Variants in PKD1 observed in about 807,000 individuals in gnomAD.
The protein encoded by PKD1 is polycystin 1, transient receptor potential channel interacting, also known as polycystin-1.
In PKD1, 81 loss-of-function variants were observed where a neutral mutation model predicts 361.7. That is an observed-to-expected ratio of 0.22 (90% CI 0.19 to 0.27). PKD1 has a LOEUF of 0.27. Ranked by LOEUF, PKD1 falls within the 10% of genes least tolerant of loss-of-function variation. PKD1 has a pLI of 1.00. For missense variants in PKD1, 6,399 were observed against 6,118.3 expected (o/e 1.05, Z -1.53); for synonymous variants, 3,615 against 2,818.3 (o/e 1.28, Z -8.95).
Position 2,114,917 on chromosome 16 carries a change from G to A in PKD1, c.2106C>T (p.Leu702=). 3 of 1,531,182 alleles carry A rather than the reference G, an allele frequency of 2.0e-6. No individual in the cohort carries two copies. Among genetic ancestry groups the A allele is most frequent in the Non-Finnish European group, 2.6e-6 (3 of 1,143,164 alleles). The allele number at this position is 1,531,182 out of a possible 1,614,324, so 94.8% of individuals were successfully genotyped here. Residue 702 remains leucine (L), a synonymous_variant, in exon 11 of 46, where the codon CTC becomes CTT. Coordinates refer to ENST00000262304, the MANE Select transcript of PKD1 (RefSeq NM_001009944.3). ...GGAGCATGAGGACATCCTGGCCGTG[G>A]AGGGTGACCTGTGGAGAGGGAGGCA... ...AGPPAQYSVT[L]HGQDVLMLPG...
intron 34 of PKD1, among the ~76,000 whole-genome samples, chr16:2,096,295 C>A (rs1352569667): frequency 1.3e-5 from 2 of 152,272 alleles, no homozygotes; most frequent in Non-Finnish European, 2.9e-5. Flanking sequence ...TGCCACTGCA[C>A]TGAATCCTGC....
chr16:2,090,510 G>T lies in PKD1; in HGVS notation c.12219C>A (p.Thr4073=), dbSNP rs767203468. 2.1e-5 allele frequency: 34 copies of T among 1,611,206 alleles called. No homozygotes were observed. Among genetic ancestry groups the T allele is most frequent in the Non-Finnish European group, 2.7e-5 (32 of 1,179,554 alleles). Residue 4073 remains threonine, a synonymous_variant, in exon 45 of 46, where the codon ACC becomes ACA. Coordinates refer to ENST00000262304, the MANE Select transcript of PKD1 (RefSeq NM_001009944.3). The part of the protein sequence containing the change: ...LVLCPGTGLS[T]LCPAESWHLS... Reference sequence around the variant, plus strand: ...GGTGCCAGGACTCGGCAGGACACAGGGTAGAGAGCCCAGTCCCAGGGCACA... The same window carrying T: ...GGTGCCAGGACTCGGCAGGACACAGTGTAGAGAGCCCAGTCCCAGGGCACA...
chr16:2,110,396 TG>T lies in PKD1; in HGVS notation c.4770del (p.Ile1591SerfsTer42), dbSNP rs1300425675. The T allele has an allele frequency of 6.2e-7, 1 of 1,612,494 alleles. No homozygotes were observed. The highest frequency in any genetic ancestry group is 8.5e-7 in the Non-Finnish European group (1 of 1,179,856). ...YSWVLCDRCT[P>X]IPGGPTISYT... is the part of the protein sequence containing the mutation. ...TAAGAGATGGTAGGACCCCCAGGGATGGGCGTGCAGCGGTCACAGAGCACCC... is the reference window on the plus strand; with the variant it reads ...TAAGAGATGGTAGGACCCCCAGGGATGGCGTGCAGCGGTCACAGAGCACCC... On this transcript the variant is annotated frameshift_variant, in exon 15 of 46. Coordinates refer to ENST00000262304, the MANE Select transcript of PKD1 (RefSeq NM_001009944.3). LOFTEE classifies it high-confidence loss of function.
rs764835820 is a variant in PKD1, at chr16:2,090,609, C to A, written c.12139-19G>T. On this transcript the variant is annotated intron_variant, in intron 44 of 45. Coordinates refer to ENST00000262304, the MANE Select transcript of PKD1 (RefSeq NM_001009944.3). ...ACACGAGCTGCGGGGAAGGCGACAC[C>A]AGTGAGGGCGTACAGCTGAGCTGAG... 17 of 1,608,706 alleles carry A rather than the reference C, an allele frequency of 1.1e-5. No homozygotes were observed. Among genetic ancestry groups the A allele is most frequent in the Admixed American group, 1.7e-5 (1 of 59,968 alleles).
Position 2,110,030 on chromosome 16 carries a change from C to G in PKD1, c.5137G>C (p.Asp1713His). Residue 1713 changes from aspartate (D) to histidine (H), a missense_variant, in exon 15 of 46, where the codon GAC becomes CAC. Physicochemically the swap from Asp to His is moderately conservative, Grantham distance 81. Coordinates refer to ENST00000262304, the MANE Select transcript of PKD1 (RefSeq NM_001009944.3). ...AGCCACCCCACAGGCTCCACGAAGT[C>G]CATGGTGCAGTCGGCCCAGGCGCTG... ...LGSAWADCTM[D>H]FVEPVGWLMV... 6.2e-7 allele frequency: 1 copy of G among 1,610,562 alleles called. No homozygotes were observed. Among genetic ancestry groups the G allele is most frequent in the South Asian group, 1.1e-5 (1 of 90,970 alleles).
In PKD1 at chr16:2,106,251, G is replaced by A. The variant is rs576627488; in HGVS notation, c.7543C>T (p.Arg2515Trp). The A allele has an allele frequency of 4.0e-5, 65 of 1,610,230 alleles. No individual in the cohort carries two copies. Among genetic ancestry groups the A allele is most frequent in the Non-Finnish European group, 4.9e-5 (58 of 1,179,528 alleles). Residue 2515 changes from arginine (R) to tryptophan (W), a missense_variant, in exon 19 of 46, where the codon CGG (arginine) becomes TGG (tryptophan). Transcript: ENST00000262304. The surrounding 1 kb of genome is among the most constrained non-coding windows in gnomAD (Gnocchi z 6.5). ...GAPLVYALLL[R>W]RCRQGHCEEF... Reference sequence around the variant, plus strand: ...TCGCAGTGGCCCTGGCGACAGCGCCGCAGCAGCAGGGCGTACACCAGCGGG... The same window carrying A: ...TCGCAGTGGCCCTGGCGACAGCGCCACAGCAGCAGGGCGTACACCAGCGGG...
At chr16:2,102,735 C>A in intron 24 of PKD1, 79 bp downstream of exon 24, 3 of 1,604,494 alleles carry the variant, frequency 1.9e-6, no homozygotes, top group South Asian at 1.1e-5. Flanking sequence ...TGCCTGCCGT[C>A]CCCATGGGGC....
rs982852486 is a variant in PKD1 at position 2,097,196 on chromosome 16, G to C, written c.10451C>G (p.Pro3484Arg). 3 of 1,564,400 alleles carry C rather than the reference G, an allele frequency of 1.9e-6. No individual in the cohort carries two copies. Among genetic ancestry groups the C allele is most frequent in the Non-Finnish European group, 2.6e-6 (3 of 1,154,434 alleles). ...CATGTGGGTGTCTTGGGTAGGGGCT[G>C]GGCTGCTGACCCCCTCGGCAAGGAC... The part of the protein sequence containing the change: ...QQVLAEGVSS[P>R]APTQDTHMET... Residue 3484 changes from proline to arginine, a missense_variant, in exon 34 of 46, where the codon CCA becomes CGA. Transcript: ENST00000262304.
In PKD1 at chr16:2,100,369, G is replaced by C. The variant is rs2092044630; in HGVS notation, c.9568+27C>G. On this transcript the variant is annotated intron_variant, in intron 27 of 45. Transcript: ENST00000262304. The surrounding 1 kb of genome is among the most constrained non-coding windows in gnomAD (Gnocchi z 4.4). ...GGCGCCCCAATGCGGGGGCAGAGGG[G>C]CAGAGCTTGGCAGGGTCCGCACAAA... 1 of 1,610,884 alleles carries C rather than the reference G, an allele frequency of 6.2e-7. No homozygotes were observed. Among genetic ancestry groups the C allele is most frequent in the South Asian group, 1.1e-5 (1 of 90,996 alleles).
rs369880118 is a variant in PKD1 at position 2,109,022 on chromosome 16, C to G, written c.6145G>C (p.Glu2049Gln). 9.9e-6 allele frequency: 16 copies of G among 1,610,312 alleles called. No individual in the cohort carries two copies. Among genetic ancestry groups the G allele is most frequent in the Non-Finnish European group, 1.3e-5 (15 of 1,178,884 alleles). ...QVRAFNALGS[E>Q]NRTLVLEVQD... ...ACCTCCAGCACCAGCGTGCGGTTCT[C>G]ACTGCCCAGGGCGTTGAAGGCGCGC... The change falls in exon 15 of 46, where the codon GAG becomes CAG. Residue 2049 changes from glutamate to glutamine, a missense_variant. Coordinates refer to ENST00000262304, the MANE Select transcript of PKD1 (RefSeq NM_001009944.3).
intron 16 of PKD1, 185 bp downstream of exon 16, chr16:2,107,698 G>A (rs916002133): frequency 3.9e-5 from 26 of 663,778 alleles, no homozygotes; most frequent in Non-Finnish European, 4.9e-5. Context: ...AAGACTGTAC[G>A]TGGAACTGTG....
Position 2,091,880 on chromosome 16 carries a change from ACGG to A in PKD1, c.11435_11437del (p.Ala3812del). On this transcript the variant is annotated inframe_deletion, in exon 41 of 46. Coordinates refer to ENST00000262304, the MANE Select transcript of PKD1 (RefSeq NM_001009944.3). ...CTGCACGTAGCCCCCGCTGTCATAC[ACGG>A]CACAGGAGCCCCAGGACCATGCCCT... 6.2e-7 allele frequency: 1 copy of A among 1,611,430 alleles called. No homozygotes were observed. Among genetic ancestry groups the A allele is most frequent in the Non-Finnish European group, 8.5e-7 (1 of 1,179,550 alleles).
In PKD1 at chr16:2,103,551, A is replaced by G; in HGVS notation, c.8506T>C (p.Phe2836Leu). The change falls in exon 23 of 46, where the codon TTT becomes CTT. Residue 2836 changes from phenylalanine to leucine, a missense_variant. Transcript: ENST00000262304. Reference protein sequence around the residue: ...IFLVDSNPFPFGYISNYTVST... With the variant: ...IFLVDSNPFPLGYISNYTVST... Reference sequence around the variant, plus strand: ...ACGGTGTAGTTGCTGATATAGCCAAAGGGAAAGGGATTGGAGTCCACCAGA... The same window carrying G: ...ACGGTGTAGTTGCTGATATAGCCAAGGGGAAAGGGATTGGAGTCCACCAGA... 6.2e-7 allele frequency: 1 copy of G among 1,609,580 alleles called. No homozygotes were observed. The highest frequency in any genetic ancestry group is 1.1e-5 in the South Asian group (1 of 90,988).
chr16:2,090,679 T>C lies in PKD1; in HGVS notation c.12133A>G (p.Ile4045Val), dbSNP rs10960. The change falls in exon 44 of 46, where the codon ATC becomes GTC. Residue 4045 changes from isoleucine (I) to valine (V), a missense_variant. Transcript: ENST00000262304. ...VLGVAYAQLA[I>V]LLVSSCVDSL... ...CCGGCCGCGCAGTCACCTACCAGGA[T>C]GGCCAGCTGGGCGTAGGCTACCCCG... The C allele has an allele frequency of 0.19, 307,649 of 1,611,784 alleles. 37,119 individuals are homozygous for C. The highest frequency in any genetic ancestry group is 0.58 in the African/African-American group (43,606 of 74,964).
At chr16:2,126,770 G>C (rs2092804946) in intron 1 of PKD1, among the ~76,000 whole-genome samples, 1 of 152,372 alleles carries the variant, frequency 6.6e-6, no homozygotes, top group East Asian at 1.9e-4. Flanking sequence ...TCCCTCCAAA[G>C]TATATTCCTT....
At position 2,103,857 on chromosome 16, in the gene PKD1, G is replaced by C. The variant is rs150568356; in HGVS notation, c.8200C>G (p.Pro2734Ala). The C allele has an allele frequency of 1.2e-5, 19 of 1,604,934 alleles. No individual in the cohort carries two copies. The highest frequency in any genetic ancestry group is 1.6e-5 in the Non-Finnish European group (19 of 1,178,100). Residue 2734 changes from proline to alanine, a missense_variant, in exon 23 of 46, where the codon CCA (proline) becomes GCA (alanine). Pro to Ala is a conservative substitution (Grantham distance 27). Transcript: ENST00000262304. ...IHLASSDVRA[P>A]QPSELGAESP... ...TCGGCTCCCAGCTCTGAGGGCTGTG[G>C]TGCCCGCACGTCCGAGCTGGCCAGG...
rs116070325 is a variant in PKD1 at position 2,092,769 on chromosome 16, C to T, written c.11157-177G>A. ...GGCAGACAGTTGTCTGTCATGGGCC[C>T]GTCCTGTGCACTGCAAGACACGGAC... On this transcript the variant is annotated intron_variant, in intron 38 of 45. Transcript: ENST00000262304. The T allele has an allele frequency of 2.4e-4, 202 of 842,274 alleles. No homozygotes were observed. The African/African-American group carries it at 2.7e-3, about 11-fold the overall frequency. The allele number at this position is 842,274 out of a possible 1,614,324, so 52.2% of individuals were successfully genotyped here.
At chr16:2,121,856 G>A (rs2092726368) in intron 1 of PKD1, among the ~76,000 whole-genome samples, 1 of 152,198 alleles carries the variant, frequency 6.6e-6, no homozygotes. Flanking sequence ...CTCCCCACGA[G>A]TGACCCAGCA....
Position 2,090,583 on chromosome 16 carries a change from G to C in PKD1, c.12146C>G (p.Ser4049Cys), listed in dbSNP as rs757666977. 6.2e-7 allele frequency: 1 copy of C among 1,608,716 alleles called. No individual in the cohort carries two copies. The highest frequency in any genetic ancestry group is 8.5e-7 in the Non-Finnish European group (1 of 1,179,752). Residue 4049 changes from serine (S) to cysteine (C), a missense_variant, in exon 45 of 46, where the codon TCT becomes TGT. Ser to Cys is a moderately radical substitution (Grantham distance 112). Transcript: ENST00000262304. ...GCTCCAGAGGGAGTCCACACAGGAA[G>C]ACACGAGCTGCGGGGAAGGCGACAC... ...AYAQLAILLV[S>C]SCVDSLWSVA...
Sources: gnomAD v4.1 joint callset for allele counts (sites outside exome capture counted in the v4.1 genomes callset) on GRCh38, gnomAD v4.1.1 for gene constraint, Gnocchi (gnomAD v3.1) non-coding constraint, MANE v1.5 for transcripts, NCBI Gene and HGNC (gene_info 2026-07-23, HGNC 2026-07-21) for gene names.